SRGAP2: variants seen among roughly 807,000 people sequenced by gnomAD.
SRGAP2 encodes the protein SLIT-ROBO Rho GTPase activating protein 2.
SRGAP2 carries 15 observed loss-of-function variants against 57.2 expected under a neutral mutation model. That is an observed-to-expected ratio of 0.26 (90% CI 0.18 to 0.40). The LOEUF (loss-of-function observed/expected upper bound fraction) is 0.40. Among genes scored for constraint, SRGAP2 ranks in the 10% least tolerant of loss-of-function variants. SRGAP2 has a pLI of 1.00. For synonymous variants in SRGAP2, 249 were observed against 248.0 expected, an observed-to-expected ratio of 1.00 and a Z score of -0.04; for missense variants, 520 against 669.6, an observed-to-expected ratio of 0.78 and a Z score of 2.47.
intron 3 of SRGAP2, among the ~76,000 whole-genome samples, chr1:206,318,439 T>A (rs1324730447): frequency 1.3e-5 from 2 of 152,254 alleles, no homozygotes; most frequent in Non-Finnish European, 2.9e-5. Flanking sequence ...TCAGTCTTGT[T>A]CTTGCTCCTG....
At position 206,392,676 on chromosome 1, in the gene SRGAP2, C is replaced by T. The variant is rs374926719; in HGVS notation, c.487-13C>T. ...CTTGACCTCTGGGGGTGGGGGTGGGCGATGTCTTGCAGGTGATGAAGACAT... is the reference window on the plus strand; with the variant it reads ...CTTGACCTCTGGGGGTGGGGGTGGGTGATGTCTTGCAGGTGATGAAGACAT... On this transcript the variant is annotated splice_polypyrimidine_tract_variant and intron_variant, in intron 5 of 22. Transcript: ENST00000573034. The T allele has an allele frequency of 4.0e-6, 3 of 750,286 alleles. No homozygotes were observed. The highest frequency in any genetic ancestry group is 1.4e-5 in the South Asian group (1 of 70,168). 46.5% of individuals were successfully genotyped at this position (750,286 alleles called of 1,614,324 possible). A position where few individuals can be genotyped will look rare whatever the true frequency, so the allele number is the denominator to read the frequency against.
chr1:206,445,021 A>G (rs1218191664), intron 17 of SRGAP2, among the ~76,000 whole-genome samples: 3 of 152,264 alleles, frequency 2.0e-5, no homozygotes, highest in Non-Finnish European at 4.4e-5. Flanking sequence ...GGTACACTAC[A>G]GAAACAAACT....
rs1352761665 is a variant in SRGAP2, at chr1:206,235,266, C to A, written c.67+29229C>A. ...GTATATTCCCCTTTGCAGCTTGTAT[C>A]TTCCTCTTTGCAGCTTGTATCTTCC... On this transcript the variant is annotated intron_variant, in intron 2 of 22. Coordinates refer to ENST00000573034, the MANE Select transcript of SRGAP2 (RefSeq NM_015326.5). Among the ~76,000 whole-genome samples, 4 of 1,736 alleles carry A rather than the reference C, an allele frequency of 2.3e-3. 2 individuals carry two copies. The East Asian group carries it at 1, about 434-fold the overall frequency. 1.1% of individuals were successfully genotyped at this position (1,736 alleles called of 152,430 possible).
At chr1:206,410,660 T>C (rs1208605495) in intron 10 of SRGAP2, among the ~76,000 whole-genome samples, 1 of 152,232 alleles carries the variant, frequency 6.6e-6, no homozygotes, top group African/African-American at 2.4e-5. Flanking sequence ...ATACAGTTCT[T>C]CACTTTTTTA....
At chr1:206,424,213 A>T (rs1390800145) in intron 13 of SRGAP2, among the ~76,000 whole-genome samples, 1 of 152,124 alleles carries the variant, frequency 6.6e-6, no homozygotes, top group African/African-American at 2.4e-5. Context: ...TTGGATGAGA[A>T]TTTGGCCTGA....
chr1:206,416,947 T>A (rs907240871), intron 11 of SRGAP2, among the ~76,000 whole-genome samples: 17 of 152,186 alleles, frequency 1.1e-4, no homozygotes, highest in African/African-American at 4.1e-4. Context: ...TTTAGGAAAG[T>A]GTGCAATACT....
At chr1:206,314,683 G>A (rs1235989450) in intron 3 of SRGAP2, among the ~76,000 whole-genome samples, 1 of 152,168 alleles carries the variant, frequency 6.6e-6, no homozygotes, top group Non-Finnish European at 1.5e-5. Context: ...CCAATAGTAA[G>A]GGTTTAGAAG....
intron 2 of SRGAP2, among the ~76,000 whole-genome samples, chr1:206,220,827 C>G (rs536380737): frequency 3.3e-5 from 5 of 152,294 alleles, no homozygotes; most frequent in African/African-American, 1.2e-4. Context: ...CTGGAGTGTT[C>G]TTTCCTGTCC....
intron 19 of SRGAP2, among the ~76,000 whole-genome samples, chr1:206,450,838 G>T (rs934343972): frequency 2.0e-5 from 3 of 152,076 alleles, no homozygotes; most frequent in Admixed American, 6.5e-5. Flanking sequence ...AAGCAATTGG[G>T]TGTGGTGGCT....
chr1:206,355,880 T>C (rs1676392978), intron 4 of SRGAP2, among the ~76,000 whole-genome samples: 1 of 152,116 alleles, frequency 6.6e-6, no homozygotes, highest in Non-Finnish European at 1.5e-5. Context: ...GGGAGGAGAA[T>C]CGCTTGAACC....
In SRGAP2 at chr1:206,354,595, T is replaced by C. The variant is rs1676291715; in HGVS notation, c.423+11587T>C. On this transcript the variant is annotated intron_variant, in intron 4 of 22. Transcript: ENST00000573034. ...TGTTCAATTGTTGATGGCATTTGGATAGTTTTCAGTTTGAGGCTATTATGT... is the reference window on the plus strand; with the variant it reads ...TGTTCAATTGTTGATGGCATTTGGACAGTTTTCAGTTTGAGGCTATTATGT... Among the ~76,000 whole-genome samples, 3 of 152,378 alleles carry C rather than the reference T, an allele frequency of 2.0e-5. No individual in the cohort carries two copies. The South Asian group carries it at 6.2e-4, about 32-fold the overall frequency.
rs377530624 is a variant in SRGAP2 at position 206,326,494 on chromosome 1, T to C, written c.261-16352T>C. Among the ~76,000 whole-genome samples the C allele has an allele frequency of 1.8e-4, 27 of 152,306 alleles. 2 individuals are homozygous for C. The highest frequency in any genetic ancestry group is 1.5e-3 in the Admixed American group (23 of 15,298). On this transcript the variant is annotated intron_variant, in intron 3 of 22. Coordinates refer to ENST00000573034, the MANE Select transcript of SRGAP2 (RefSeq NM_015326.5). ...CTGCGCTCTGGGGCTCTGAGCATTGTCCATTAACTCTTTCAGCACCAGCCC... is the reference window on the plus strand; with the variant it reads ...CTGCGCTCTGGGGCTCTGAGCATTGCCCATTAACTCTTTCAGCACCAGCCC...
chr1:206,253,816 T>A (rs1669007942), intron 2 of SRGAP2, among the ~76,000 whole-genome samples: 1 of 151,624 alleles, frequency 6.6e-6, no homozygotes, highest in Non-Finnish European at 1.5e-5. Flanking sequence ...ATCCTTTTTT[T>A]TTTTTGTTTT....
In SRGAP2 at chr1:206,226,984, G is replaced by A. The variant is rs1319644622; in HGVS notation, c.67+20947G>A. Among the ~76,000 whole-genome samples, 67 of 152,094 alleles carry A rather than the reference G, an allele frequency of 4.4e-4. 1 individual carries two copies. The highest frequency in any genetic ancestry group is 1.5e-3 in the African/African-American group (64 of 41,414). ...ATATGTGATTAATAATGGAGATTTG[G>A]CCTAAGCATGAGTGCGAGCCTCTGA... On this transcript the variant is annotated intron_variant, in intron 2 of 22. Coordinates refer to ENST00000573034, the MANE Select transcript of SRGAP2 (RefSeq NM_015326.5).
intron 2 of SRGAP2, among the ~76,000 whole-genome samples, chr1:206,298,688 A>T (rs1463136903): frequency 3.9e-5 from 6 of 152,200 alleles, no homozygotes; most frequent in African/African-American, 1.4e-4. Context: ...GGAACCTTTT[A>T]AAGAAATTGG....
At chr1:206,260,852 T>G (rs1448984515) in intron 2 of SRGAP2, among the ~76,000 whole-genome samples, 3 of 152,252 alleles carry the variant, frequency 2.0e-5, no homozygotes, top group African/African-American at 7.2e-5. Context: ...AAAATGAGAT[T>G]ATTATTCTTC....
chr1:206,234,646 C>T (rs188773019), intron 2 of SRGAP2, among the ~76,000 whole-genome samples: 8 of 152,290 alleles, frequency 5.3e-5, no homozygotes, highest in African/African-American at 1.4e-4. Flanking sequence ...CAGTATTCTT[C>T]GGGAGACACA....
chr1:206,445,068 G>A (rs1226168030), intron 17 of SRGAP2, among the ~76,000 whole-genome samples: 1 of 152,234 alleles, frequency 6.6e-6, no homozygotes, highest in Non-Finnish European at 1.5e-5. Context: ...CTCAGATGGA[G>A]ACAGCTGAGT....
chr1:206,418,648 T>C (rs1440097615), intron 11 of SRGAP2, among the ~76,000 whole-genome samples: 1 of 152,222 alleles, frequency 6.6e-6, no homozygotes, highest in Admixed American at 6.5e-5. Flanking sequence ...TCTCATGAAC[T>C]TGAAGATTTT....
Sources: allele counts gnomAD v4.1 joint callset (sites outside exome capture counted in the v4.1 genomes callset), GRCh38; gene constraint gnomAD v4.1.1; transcripts MANE v1.5; gene names NCBI Gene and HGNC (gene_info 2026-07-23, HGNC 2026-07-21).